GABRB1: variants seen among roughly 807,000 people sequenced by gnomAD.
GABRB1 encodes gamma-aminobutyric acid type A receptor subunit beta1.
GABRB1 carries 17 observed loss-of-function variants against 51.6 expected under a neutral mutation model. That is an observed-to-expected ratio of 0.33 (90% CI 0.23 to 0.49). The LOEUF is 0.49. GABRB1 is among the 20% of genes least tolerant of loss of function. The pLI is 0.99. For synonymous variants in GABRB1, 247 were observed against 218.9 expected, an observed-to-expected ratio of 1.13 and a Z score of -1.14; for missense variants, 410 against 600.6, an observed-to-expected ratio of 0.68 and a Z score of 3.32.
At chr4:47,262,335 A>G (rs1427749149) in intron 4 of GABRB1, among the ~76,000 whole-genome samples, 1 of 152,188 alleles carries the variant, frequency 6.6e-6, no homozygotes, top group East Asian at 1.9e-4. Context: ...ATGAACTCAA[A>G]CAAATTTACA....
intron 1 of GABRB1, among the ~76,000 whole-genome samples, chr4:47,000,585 G>A (rs1310153633): frequency 6.6e-6 from 1 of 152,184 alleles, no homozygotes. Flanking sequence ...CAGTTAGATA[G>A]TGGCTGGGGC....
intron 3 of GABRB1, among the ~76,000 whole-genome samples, chr4:47,147,804 A>C (rs545461289): frequency 5.9e-5 from 9 of 152,210 alleles, no homozygotes; most frequent in African/African-American, 2.2e-4. Flanking sequence ...ATGTTGGAGG[A>C]ACCAAGACCA....
chr4:47,152,209 C>T (rs1216488085), intron 3 of GABRB1, among the ~76,000 whole-genome samples: 2 of 151,838 alleles, frequency 1.3e-5, no homozygotes, highest in Non-Finnish European at 2.9e-5. Flanking sequence ...AACAATTTTT[C>T]AGAAATTTGG....
At chr4:47,112,872 A>G (rs1715289871) in intron 3 of GABRB1, among the ~76,000 whole-genome samples, 1 of 152,188 alleles carries the variant, frequency 6.6e-6, no homozygotes. Context: ...TATAATTATA[A>G]AATTATCTTC....
intron 4 of GABRB1, among the ~76,000 whole-genome samples, chr4:47,213,280 C>T (rs1254164290): frequency 6.6e-6 from 1 of 152,142 alleles, no homozygotes; most frequent in African/African-American, 2.4e-5. Flanking sequence ...GCTATTGCTC[C>T]AGCCCAGTGG....
intron 8 of GABRB1, among the ~76,000 whole-genome samples, chr4:47,407,921 A>C (rs1486240338): frequency 6.6e-6 from 1 of 152,082 alleles, no homozygotes; most frequent in Non-Finnish European, 1.5e-5. Context: ...GCAAAACCTC[A>C]TCTCTACAAA....
chr4:47,085,541 C>G (rs1337009937), intron 3 of GABRB1, among the ~76,000 whole-genome samples: 1 of 151,962 alleles, frequency 6.6e-6, no homozygotes, highest in Non-Finnish European at 1.5e-5. Context: ...GTATACGGAA[C>G]TAGTGTAAAC....
chr4:47,141,643 G>A (rs1716941472), intron 3 of GABRB1, among the ~76,000 whole-genome samples: 2 of 151,688 alleles, frequency 1.3e-5, no homozygotes, highest in Non-Finnish European at 2.9e-5. Context: ...TAATTTTTCT[G>A]AAGCTGGCAA....
intron 1 of GABRB1, among the ~76,000 whole-genome samples, chr4:47,017,911 A>T (rs1271948068): frequency 6.6e-6 from 1 of 152,212 alleles, no homozygotes; most frequent in Non-Finnish European, 1.5e-5. Flanking sequence ...TCAGATTTTC[A>T]GATTTGAATT....
intron 4 of GABRB1, among the ~76,000 whole-genome samples, chr4:47,301,273 C>T (rs1325703483): frequency 6.6e-6 from 1 of 152,038 alleles, no homozygotes; most frequent in East Asian, 1.9e-4. Flanking sequence ...TAGATTACCT[C>T]CAAAATGGTT....
chr4:47,032,976 C>G (rs767837864), intron 3 of GABRB1: 5 of 344,628 alleles, frequency 1.5e-5, no homozygotes, highest in Admixed American at 3.8e-5. Flanking sequence ...AAAGTGTCCT[C>G]TCTCTCCAGG....
intron 3 of GABRB1, among the ~76,000 whole-genome samples, chr4:47,060,789 C>G (rs1726817379): frequency 1.3e-5 from 2 of 152,128 alleles, no homozygotes; most frequent in South Asian, 4.1e-4. Context: ...GAAAGCCACA[C>G]AAGAAAGATG....
intron 1 of GABRB1, among the ~76,000 whole-genome samples, chr4:46,999,160 T>G (rs1421446308): frequency 6.6e-6 from 1 of 152,094 alleles, no homozygotes; most frequent in Non-Finnish European, 1.5e-5. Flanking sequence ...ACCCATATAG[T>G]TTATTTAGAG....
rs181189192 is a variant in GABRB1, at chr4:47,001,435, C to A, written c.-20+7509C>A. Among the ~76,000 whole-genome samples, 392 of 152,304 alleles carry A rather than the reference C, an allele frequency of 2.6e-3. 1 individual carries two copies. The highest frequency in any genetic ancestry group is 8.9e-3 in the African/African-American group (371 of 41,558). ...GGAATTACAGGTGTGAGCCACCATG[C>A]CCGGCCAGATATTATTTTCAATATT... On this transcript the variant is annotated intron_variant, in intron 1 of 3. Transcript: ENST00000513567.
chr4:47,307,898 T>C (rs1412645543), intron 4 of GABRB1, among the ~76,000 whole-genome samples: 1 of 151,976 alleles, frequency 6.6e-6, no homozygotes, highest in African/African-American at 2.4e-5. Flanking sequence ...TTTCATCTAT[T>C]TAATGAACAA....
intron 1 of GABRB1, among the ~76,000 whole-genome samples, chr4:47,021,893 AG>A (rs1724940034): frequency 6.6e-6 from 1 of 152,122 alleles, no homozygotes; most frequent in African/African-American, 2.4e-5. Flanking sequence ...TATACAAAAA[AG>A]ACTTAAAACA....
At chr4:47,134,352 A>G (rs530977038) in intron 3 of GABRB1, among the ~76,000 whole-genome samples, 1 of 152,294 alleles carries the variant, frequency 6.6e-6, no homozygotes, top group Non-Finnish European at 1.5e-5. Flanking sequence ...AGTATATCAC[A>G]TAAAAGGTAA....
intron 4 of GABRB1, among the ~76,000 whole-genome samples, chr4:47,193,322 A>C (rs1246431696): frequency 6.6e-6 from 1 of 152,166 alleles, no homozygotes; most frequent in South Asian, 2.1e-4. Flanking sequence ...GGATTTCTCC[A>C]CATTGGTCAG....
chr4:47,029,903 T>C (rs1277291473), upstream of GABRB1, among the ~76,000 whole-genome samples: 3 of 152,250 alleles, frequency 2.0e-5, no homozygotes, highest in East Asian at 3.9e-4. Flanking sequence ...ACAAACTGAT[T>C]CAGTTTCTAT....
Sources: allele counts gnomAD v4.1 joint callset (sites outside exome capture counted in the v4.1 genomes callset), GRCh38; gene constraint gnomAD v4.1.1; transcripts MANE v1.5; gene names NCBI Gene and HGNC (gene_info 2026-07-23, HGNC 2026-07-21).